YIPF6: variants seen among roughly 807,000 people sequenced by gnomAD.
YIPF6 encodes Yip1 domain family member 6, also known as protein YIPF6.
YIPF6 carries 3 observed loss-of-function variants against 16.8 expected under a neutral mutation model. The ratio of observed to expected loss-of-function variants is 0.18; its 90% confidence interval spans 0.08 to 0.46. The LOEUF is 0.46. YIPF6 is among the 20% of genes least tolerant of loss of function. The pLI is 0.98. For missense variants in YIPF6, 145 were observed against 184.9 expected, an observed-to-expected ratio of 0.78 and a Z score of 1.25; for synonymous variants, 67 against 61.9, an observed-to-expected ratio of 1.08 and a Z score of -0.38.
chrX:68,514,848 G>A (rs5965605), intron 3 of YIPF6: 9,600 of 112,604 alleles, frequency 0.085, 383 homozygotes, highest in African/African-American at 0.15. Flanking sequence ...AACAGACAGC[G>A]TCTCATTCTG....
At chrX:68,523,666 T>A (rs1425377651) in intron 6 of YIPF6, among the ~76,000 whole-genome samples, 4 of 112,379 alleles carry the variant, frequency 3.6e-5, no homozygotes, top group Non-Finnish European at 5.6e-5. Context: ...AATTTAGAAG[T>A]GTTCACTAGC....
chrX:68,514,222 T>G, intron 3 of YIPF6: 1 of 94,179 alleles, frequency 1.1e-5, no homozygotes, highest in Admixed American at 1.2e-4. Flanking sequence ...GAGTGAGACC[T>G]GTCTCAAAAA....
In YIPF6 at chrX:68,532,075, C is replaced by A; in HGVS notation, c.*76C>A. 1.2e-6 allele frequency: 1 copy of A among 810,334 alleles called. No individual in the cohort carries two copies. The allele number at this position is 810,334 out of a possible 1,213,427, so 66.8% of individuals were successfully genotyped here. On this transcript the variant is annotated 3_prime_UTR_variant, in exon 7 of 7. Transcript: ENST00000462683. ...TGCAATTCACCATGGAGCTTTGTCT[C>A]TGGCCCTTATTTGTCTAATTTTGGA... is the stretch of plus-strand genomic sequence containing the variant.
chrX:68,513,192 G>A (rs1222120911), intron 2 of YIPF6, 135 bp from the exon 3 acceptor site: 24 of 444,790 alleles, frequency 5.4e-5, no homozygotes, highest in Non-Finnish European at 6.8e-5. Context: ...TGTAGTGAAG[G>A]AGTTGAACTG....
chrX:68,521,280 A>G, intron 4 of YIPF6, 92 bp from the exon 5 acceptor site: 1 of 1,052,833 alleles, frequency 9.5e-7, no homozygotes, highest in East Asian at 3.1e-5. Flanking sequence ...GGTATGGCAC[A>G]GCAATCTGAT....
chrX:68,529,481 G>A (rs1377875823), intron 6 of YIPF6, among the ~76,000 whole-genome samples: 2 of 110,594 alleles, frequency 1.8e-5, no homozygotes, highest in East Asian at 2.9e-4. Flanking sequence ...CTGTCAGTTC[G>A]TCAAACTCAT....
In YIPF6 at chrX:68,518,622, A is replaced by T; in HGVS notation, c.266-148A>T. The T allele has an allele frequency of 5.4e-6, 3 of 550,520 alleles. No individual in the cohort carries two copies. In the South Asian group the frequency reaches 9.5e-5, roughly 17 times the overall value. 45.4% of individuals were successfully genotyped at this position (550,520 alleles called of 1,213,427 possible). A position where few individuals can be genotyped will look rare whatever the true frequency, so the allele number is the denominator to read the frequency against. ...AGAAGTGCATTCAGGATTAGGGGAC[A>T]GGGAGGGCAGGTGGTGGGAGAGGAG... On this transcript the variant is annotated intron_variant, in intron 3 of 6. Coordinates refer to ENST00000462683, the MANE Select transcript of YIPF6 (RefSeq NM_173834.4).
chrX:68,504,074 C>G (rs895083396), intron 1 of YIPF6, among the ~76,000 whole-genome samples: 2 of 112,194 alleles, frequency 1.8e-5, no homozygotes, highest in African/African-American at 6.5e-5. Context: ...GAACAGCACT[C>G]TACTTAAAAT....
intron 3 of YIPF6, among the ~76,000 whole-genome samples, chrX:68,517,194 CTGG>C (rs1389220516): frequency 1.8e-5 from 2 of 110,867 alleles, no homozygotes; most frequent in Non-Finnish European, 3.8e-5. Flanking sequence ...GTCACCCAGG[CTGG>C]AGTGCAGTGG....
intron 6 of YIPF6, among the ~76,000 whole-genome samples, chrX:68,530,077 C>T (rs2079164908): frequency 8.9e-6 from 1 of 111,953 alleles, no homozygotes; most frequent in Admixed American, 9.4e-5. Flanking sequence ...CTGCTCCATC[C>T]CCCAGGTGCT....
At position 68,532,473 on chromosome X, in the gene YIPF6, T is replaced by G. The variant is rs1294807299; in HGVS notation, c.*474T>G. 2.7e-5 allele frequency: 3 copies of G among 111,475 alleles called. No individual in the cohort carries two copies. Among genetic ancestry groups the G allele is most frequent in the Non-Finnish European group, 5.6e-5 (3 of 53,119 alleles). The allele number at this position is 111,475 out of a possible 1,213,427, so 9.2% of individuals were successfully genotyped here. ...ATACATGGTCTATATCCATTTTCTT[T>G]TATTTCTCTCTCTTAAGCTTAAAAA... On this transcript the variant is annotated 3_prime_UTR_variant, in exon 7 of 7. Coordinates refer to ENST00000462683, the MANE Select transcript of YIPF6 (RefSeq NM_173834.4).
At chrX:68,503,062 G>A (rs2079046680) in intron 1 of YIPF6, among the ~76,000 whole-genome samples, 1 of 111,028 alleles carries the variant, frequency 9.0e-6, no homozygotes, top group South Asian at 3.8e-4. Flanking sequence ...ACTATAGTCT[G>A]GGATCTTTGG....
At chrX:68,521,125 A>ATAAT (rs1423665801) in intron 4 of YIPF6, among the ~76,000 whole-genome samples, 3 of 111,874 alleles carry the variant, frequency 2.7e-5, no homozygotes, top group African/African-American at 9.7e-5. Context: ...AAGGTCTTCA[A>ATAAT]TAATTCATTT....
intron 6 of YIPF6, among the ~76,000 whole-genome samples, chrX:68,526,195 C>T (rs1453161482): frequency 9.0e-6 from 1 of 111,161 alleles, no homozygotes; most frequent in Admixed American, 9.6e-5. Flanking sequence ...TGAAGAGGTC[C>T]TTCATATCCC....
At chrX:68,511,707 G>A in intron 1 of YIPF6, 142 bp from the exon 2 acceptor site, 5 of 583,173 alleles carry the variant, frequency 8.6e-6, no homozygotes, top group Non-Finnish European at 1.3e-5. Context: ...ACTGCATTGT[G>A]TAATGTCTGT....
chrX:68,503,161 G>A lies in YIPF6; in HGVS notation c.57+4038G>A, dbSNP rs2079047025. On this transcript the variant is annotated intron_variant, in intron 1 of 6. Coordinates refer to ENST00000462683, the MANE Select transcript of YIPF6 (RefSeq NM_173834.4). ...GCTACCCCGTCATCCACTCCTGGGA[G>A]CCAGGCCTCTTTGAGCTGATTCCTG... 2.7e-5 allele frequency among the ~76,000 whole-genome samples: 3 copies of A among 112,211 alleles called. No individual in the cohort carries two copies. In the South Asian group the frequency reaches 1.1e-3, roughly 41 times the overall value.
rs766628564 is a variant in YIPF6, at chrX:68,503,662, AG to A, written c.57+4541del. Among the ~76,000 whole-genome samples, 571 of 112,079 alleles carry A rather than the reference AG, an allele frequency of 5.1e-3. 3 individuals are homozygous for A. The highest frequency in any genetic ancestry group is 5.3e-3 in the Non-Finnish European group (284 of 53,188). ...TACCTGGAGTTAGGCCAAACTGCACAGGTTAAAAGCACAGTCCTCTACAAGA... is the reference window on the plus strand; with the variant it reads ...TACCTGGAGTTAGGCCAAACTGCACAGTTAAAAGCACAGTCCTCTACAAGA... On this transcript the variant is annotated intron_variant, in intron 1 of 6. Transcript: ENST00000462683.
chrX:68,523,217 T>A (rs776872397), intron 6 of YIPF6, among the ~76,000 whole-genome samples: 30 of 111,134 alleles, frequency 2.7e-4, no homozygotes, highest in African/African-American at 8.8e-4. Flanking sequence ...ATTAGGTGAC[T>A]TGTGGAATGA....
At chrX:68,521,220 T>A (rs759922623) in intron 4 of YIPF6, 152 bp from the exon 5 acceptor site, 16 of 628,678 alleles carry the variant, frequency 2.5e-5, no homozygotes, top group Non-Finnish European at 3.6e-5. Flanking sequence ...GCCAAATGCT[T>A]GTGTCATTTT....
Sources: allele counts gnomAD v4.1 joint callset (sites outside exome capture counted in the v4.1 genomes callset), GRCh38; gene constraint gnomAD v4.1.1; transcripts MANE v1.5; gene names NCBI Gene and HGNC (gene_info 2026-07-23, HGNC 2026-07-21).